The following ITGA2 variants were observed in gnomAD, a reference collection of about 807,000 sequenced individuals.
The protein encoded by ITGA2 is integrin alpha-2.
A neutral mutation model predicts 146.3 loss-of-function variants in ITGA2; 101 were observed. That is an observed-to-expected ratio of 0.69 (90% confidence interval 0.59 to 0.81). ITGA2 has a LOEUF of 0.81. Among genes scored for constraint, ITGA2 ranks in the 40% least tolerant of loss-of-function variants. The probability of loss-of-function intolerance (pLI) is 0.00; values close to 1 mark genes in which losing one functional copy is unlikely to be tolerated. For synonymous variants in ITGA2, 477 were observed against 487.1 expected, an observed-to-expected ratio of 0.98 and a Z score of 0.27; for missense variants, 1,281 against 1,402.7, an observed-to-expected ratio of 0.91 and a Z score of 1.39.
At chr5:53,028,816 A>G (rs961057200) in intron 2 of ITGA2, among the ~76,000 whole-genome samples, 5 of 152,058 alleles carry the variant, frequency 3.3e-5, no homozygotes, top group Admixed American at 6.5e-5. Context: ...CCAAAATACC[A>G]ATTATACCTG....
At chr5:53,035,774 C>A (rs1743460194) in intron 2 of ITGA2, among the ~76,000 whole-genome samples, 1 of 152,090 alleles carries the variant, frequency 6.6e-6, no homozygotes, top group Non-Finnish European at 1.5e-5. Flanking sequence ...TGGCCTGGAA[C>A]TAAACAATAT....
chr5:53,014,431 G>T (rs1362649663), intron 1 of ITGA2, among the ~76,000 whole-genome samples: 1 of 152,080 alleles, frequency 6.6e-6, no homozygotes, highest in African/African-American at 2.4e-5. Context: ...GCACCAACTT[G>T]CATCCGAGGG....
At chr5:53,007,514 AG>A (rs202210863) in intron 1 of ITGA2, among the ~76,000 whole-genome samples, 53 of 150,484 alleles carry the variant, frequency 3.5e-4, no homozygotes, top group Admixed American at 5.3e-4. Flanking sequence ...GGAGAGAGAG[AG>A]AAAAAAAAAA....
At chr5:53,063,021 G>A in intron 13 of ITGA2, 92 bp downstream of exon 13, 4 of 1,015,584 alleles carry the variant, frequency 3.9e-6, no homozygotes, top group South Asian at 1.4e-5. Flanking sequence ...ATTATTGAAT[G>A]ATAATTTGCA....
intron 23 of ITGA2, among the ~76,000 whole-genome samples, chr5:53,075,912 C>T (rs1193594011): frequency 6.6e-6 from 1 of 152,004 alleles, no homozygotes; most frequent in African/African-American, 2.4e-5. Flanking sequence ...TAAAGAAATG[C>T]TTTGTTCCCT....
chr5:53,061,008 G>A lies in ITGA2; in HGVS notation c.1420G>A (p.Gly474Ser). The change falls in exon 12 of 30, where the codon GGC becomes AGC. Residue 474 changes from glycine to serine, a missense_variant. Coordinates refer to ENST00000296585, the MANE Select transcript of ITGA2 (RefSeq NM_002203.4). ...AGTGCTATATAGTGTGAATGAGAAT[G>A]GCAATATCACGGTTATTCAGGCTCA... is the stretch of plus-strand genomic sequence containing the variant. ...QIVLYSVNEN[G>S]NITVIQAHRG... 2 of 1,612,304 alleles carry A rather than the reference G, an allele frequency of 1.2e-6. No individual in the cohort carries two copies. The highest frequency in any genetic ancestry group is 1.1e-5 in the South Asian group (1 of 91,056).
At chr5:53,051,220 C>T (rs1244663564) in intron 6 of ITGA2, among the ~76,000 whole-genome samples, 191 bp from the exon 7 acceptor site, 1 of 152,138 alleles carries the variant, frequency 6.6e-6, no homozygotes, top group East Asian at 1.9e-4. Context: ...TGCTGTTGTA[C>T]ACTGATGGCC....
chr5:53,021,126 A>G (rs1048899311), intron 1 of ITGA2, among the ~76,000 whole-genome samples: 7 of 151,570 alleles, frequency 4.6e-5, no homozygotes, highest in African/African-American at 1.5e-4. Context: ...TATTTTTGTT[A>G]TTTTATTTTC....
intron 16 of ITGA2, among the ~76,000 whole-genome samples, chr5:53,069,106 A>G (rs1745270671): frequency 6.6e-6 from 1 of 151,902 alleles, no homozygotes; most frequent in African/African-American, 2.4e-5. Context: ...TGGGAAGTAT[A>G]TACAACCTTT....
intron 2 of ITGA2, among the ~76,000 whole-genome samples, chr5:53,036,295 A>G (rs576366368): frequency 3.9e-5 from 6 of 152,248 alleles, no homozygotes; most frequent in Admixed American, 2.6e-4. Flanking sequence ...TTCTTCTACA[A>G]TATGTCAGAT....
intron 16 of ITGA2, 142 bp downstream of exon 16, chr5:53,067,399 C>T (rs1745197658): frequency 1.2e-6 from 1 of 836,686 alleles, no homozygotes; most frequent in African/African-American, 1.7e-5. Flanking sequence ...CTGGAGATGC[C>T]CGAGAATGGT....
At chr5:53,067,825 G>A (rs936430115) in intron 16 of ITGA2, among the ~76,000 whole-genome samples, 1 of 151,828 alleles carries the variant, frequency 6.6e-6, no homozygotes, top group African/African-American at 2.4e-5. Context: ...AATCATTGTG[G>A]GCAAGCATCA....
At chr5:53,059,621 C>T (rs1018870898) in intron 10 of ITGA2, among the ~76,000 whole-genome samples, 6 of 151,896 alleles carry the variant, frequency 4.0e-5, no homozygotes, top group African/African-American at 1.2e-4. Flanking sequence ...CTGTCCTGTA[C>T]TACAGGTTAT....
chr5:53,009,150 A>G (rs1274091114), intron 1 of ITGA2, among the ~76,000 whole-genome samples: 5 of 152,170 alleles, frequency 3.3e-5, no homozygotes, highest in Non-Finnish European at 7.4e-5. Context: ...ACCCCTCAAT[A>G]TTATTCATCA....
At chr5:53,026,991 T>A (rs1742983303) in intron 2 of ITGA2, 123 bp downstream of exon 2, 1 of 785,280 alleles carries the variant, frequency 1.3e-6, no homozygotes, top group African/African-American at 1.7e-5. Context: ...CAAATATCCT[T>A]AAATGAACAA....
At position 53,059,892 on chromosome 5, in the gene ITGA2, G is replaced by T. The variant is rs750192184; in HGVS notation, c.1192G>T (p.Ala398Ser). 1 of 1,612,070 alleles carries T rather than the reference G, an allele frequency of 6.2e-7. No individual in the cohort carries two copies. Among genetic ancestry groups the T allele is most frequent in the African/African-American group, 1.3e-5 (1 of 74,808 alleles). ...SSQNDILMLG[A>S]VGAFGWSGTI... is the part of the protein sequence containing the mutation. ...ATTTTAGGATATTCTGATGCTGGGT[G>T]CAGTGGGAGCTTTTGGCTGGAGTGG... The change falls in exon 11 of 30, where the codon GCA becomes TCA. Residue 398 changes from alanine to serine, a missense_variant. Around this residue, in one of 3 missense-constraint regions of ITGA2, gnomAD observed 795 missense variants for 841.7 expected, o/e 0.94. Coordinates refer to ENST00000296585, the MANE Select transcript of ITGA2 (RefSeq NM_002203.4).
intron 13 of ITGA2, 21 bp from the exon 14 acceptor site, chr5:53,064,891 C>G: frequency 1.2e-6 from 2 of 1,609,098 alleles, no homozygotes; most frequent in Middle Eastern, 1.7e-4. Context: ...TTTAATCATC[C>G]TTTTGTTTCC....
At chr5:53,021,481 A>G (rs1244740444) in intron 1 of ITGA2, among the ~76,000 whole-genome samples, 4 of 152,144 alleles carry the variant, frequency 2.6e-5, no homozygotes, top group Admixed American at 1.3e-4. Flanking sequence ...AGTAGATAAC[A>G]TTCTCCCAGA....
rs778228885 is a variant in ITGA2, at chr5:53,055,632, T to C, written c.874T>C (p.Leu292=). 36 of 1,613,286 alleles carry C rather than the reference T, an allele frequency of 2.2e-5. No homozygotes were observed. The highest frequency in any genetic ancestry group is 2.7e-5 in the Non-Finnish European group (32 of 1,179,490). ...CGGTGAATCACATGATGGTTCAATGTTGAAAGCTGTGATTGATCAATGCAA... is the reference window on the plus strand; with the variant it reads ...CGGTGAATCACATGATGGTTCAATGCTGAAAGCTGTGATTGATCAATGCAA... ...TDGESHDGSM[L]KAVIDQCNHD... The change falls in exon 8 of 30, where the codon TTG becomes CTG. Residue 292 remains leucine, a synonymous_variant. Transcript: ENST00000296585.
Sources: allele counts gnomAD v4.1 joint callset (sites outside exome capture counted in the v4.1 genomes callset), GRCh38; gene constraint gnomAD v4.1.1; regional missense constraint gnomAD v4.1.1; transcripts MANE v1.5; gene names NCBI Gene and HGNC (gene_info 2026-07-23, HGNC 2026-07-21).